Variants in ATXN7 observed in about 807,000 individuals in gnomAD.
ATXN7 encodes ataxin 7, also known as ataxin-7.
In ATXN7, 12 loss-of-function variants were observed where a neutral mutation model predicts 70.5. The observed-to-expected ratio is 0.17, with a 90% CI of 0.11 to 0.28. The LOEUF (loss-of-function observed/expected upper bound fraction) is 0.28, where lower values mean the gene tolerates loss of function less well. Among genes scored for constraint, ATXN7 ranks in the 10% least tolerant of loss-of-function variants. ATXN7 has a pLI of 1.00. For synonymous variants in ATXN7, 498 were observed against 448.7 expected (o/e 1.11, Z -1.39); for missense variants, 1,256 against 1,131.7 (o/e 1.11, Z -1.58).
intron 10 of ATXN7, 71 bp from the exon 11 acceptor site, chr3:63,990,667 A>G: frequency 6.2e-7 from 1 of 1,609,562 alleles, no homozygotes; most frequent in South Asian, 1.1e-5. Context: ...CCTTTCCTGA[A>G]GGATCTAGAA....
rs1346542426 is a variant in ATXN7, at chr3:63,982,382, A to C, written c.949A>C (p.Thr317Pro). Residue 317 changes from threonine (T) to proline (P), a missense_variant, in exon 7 of 13, where the codon ACT becomes CCT. Physicochemically the swap from Thr to Pro is conservative, Grantham distance 38 (BLOSUM62 -1). Transcript: ENST00000674280. ...TGGCAAAGGGCTTCCTGCACCGCCC[A>C]CTCTGGAAAAGAAACCTGAAGACAA... ...LNGKGLPAPP[T>P]LEKKPEDNSN... is the part of the protein sequence containing the mutation. 6.2e-7 allele frequency: 1 copy of C among 1,613,864 alleles called. No individual in the cohort carries two copies. The highest frequency in any genetic ancestry group is 8.5e-7 in the Non-Finnish European group (1 of 1,179,820).
intron 1 of ATXN7, among the ~76,000 whole-genome samples, chr3:63,874,712 A>T (rs1444889696): frequency 6.6e-6 from 1 of 152,118 alleles, no homozygotes; most frequent in Non-Finnish European, 1.5e-5. Context: ...CCTTTTCTGG[A>T]TTCTGAAGTT....
intron 5 of ATXN7, among the ~76,000 whole-genome samples, chr3:63,958,330 T>A (rs1575951027): frequency 6.6e-6 from 1 of 152,208 alleles, no homozygotes; most frequent in East Asian, 1.9e-4. Flanking sequence ...TATATTCATA[T>A]GAGAAATTAC....
intron 5 of ATXN7, among the ~76,000 whole-genome samples, chr3:63,976,794 A>G (rs1355610527): frequency 6.6e-6 from 1 of 152,210 alleles, no homozygotes; most frequent in Non-Finnish European, 1.5e-5. Context: ...GCTTATTGGG[A>G]AAACAGGGTT....
At chr3:63,993,959 A>G (rs996709587) in intron 11 of ATXN7, among the ~76,000 whole-genome samples, 9 of 152,014 alleles carry the variant, frequency 5.9e-5, no homozygotes, top group African/African-American at 2.2e-4. Flanking sequence ...TTCCTAACCA[A>G]CCTCTCAGGT....
At chr3:63,917,824 T>G (rs189847085) in intron 4 of ATXN7, among the ~76,000 whole-genome samples, 1 of 152,352 alleles carries the variant, frequency 6.6e-6, no homozygotes, top group East Asian at 1.9e-4. Flanking sequence ...CTCTAGTGTG[T>G]GATTCAAATG....
chr3:63,996,382 A>G lies in ATXN7; in HGVS notation c.2560A>G (p.Thr854Ala), dbSNP rs769753266. The change falls in exon 12 of 13, where the codon ACA (threonine) becomes GCA (alanine). Residue 854 changes from threonine to alanine, a missense_variant. Thr to Ala is a moderately conservative substitution (Grantham distance 58). Coordinates refer to ENST00000674280, the MANE Select transcript of ATXN7 (RefSeq NM_001377405.1). ...SSINNSSSKP[T>A]KVAKVPAVNN... The stretch of plus-strand genomic sequence containing the variant: ...CATCAACAACAGCAGCAGCAAACCC[A>G]CAAAGGTTGCCAAAGTGCCAGCCGT... 8.1e-6 allele frequency: 13 copies of G among 1,614,214 alleles called. No individual in the cohort carries two copies. Among genetic ancestry groups the G allele is most frequent in the Non-Finnish European group, 4.2e-6 (5 of 1,180,044 alleles).
At chr3:63,974,741 G>A (rs1317678162) in intron 5 of ATXN7, among the ~76,000 whole-genome samples, 1 of 152,204 alleles carries the variant, frequency 6.6e-6, no homozygotes, top group Admixed American at 6.5e-5. Flanking sequence ...TGATGTTGTT[G>A]TTCTTGAAGG....
intron 5 of ATXN7, among the ~76,000 whole-genome samples, chr3:63,964,787 A>G (rs376792592): frequency 1.3e-5 from 2 of 152,212 alleles, no homozygotes; most frequent in African/African-American, 4.8e-5. Flanking sequence ...TTCCAGGCCC[A>G]CAGCCGAATG....
At chr3:63,997,557 TTTC>T (rs1187981237) in intron 12 of ATXN7, 2 of 1,414,584 alleles carry the variant, frequency 1.4e-6, no homozygotes, top group Non-Finnish European at 2.0e-6. Context: ...CCTGTAGCTG[TTTC>T]TTCCAGCTTC....
upstream of ATXN7, chr3:63,863,611 G>A: frequency 8.4e-7 from 1 of 1,195,928 alleles, no homozygotes; most frequent in Non-Finnish European, 1.0e-6. Context: ...AGCAGCCGGG[G>A]AGGCCCGGGG....
At chr3:63,959,800 T>G (rs556412598) in intron 5 of ATXN7, among the ~76,000 whole-genome samples, 9 of 152,234 alleles carry the variant, frequency 5.9e-5, no homozygotes, top group African/African-American at 2.2e-4. Flanking sequence ...ATATCTGTGC[T>G]TTTATGAATG....
At chr3:63,867,149 C>A (rs1332280239) in intron 1 of ATXN7, 1 of 152,092 alleles carries the variant, frequency 6.6e-6, no homozygotes, top group Non-Finnish European at 1.5e-5. Context: ...GGGTCTGTGA[C>A]CCTCCAAGGG....
chr3:63,917,730 T>C (rs1162053329), intron 4 of ATXN7, among the ~76,000 whole-genome samples: 3 of 152,248 alleles, frequency 2.0e-5, no homozygotes, highest in Non-Finnish European at 4.4e-5. Context: ...GAAGGCATAT[T>C]CAGCTCCTGC....
intron 1 of ATXN7, among the ~76,000 whole-genome samples, chr3:63,881,484 A>ATTTT (rs909777356): frequency 5.0e-5 from 6 of 120,798 alleles, no homozygotes; most frequent in African/African-American, 6.2e-5. Flanking sequence ...TGGTTGGAGC[A>ATTTT]TTTTTTTTTT....
chr3:63,961,780 A>G (rs1458110962), intron 5 of ATXN7, among the ~76,000 whole-genome samples: 1 of 152,170 alleles, frequency 6.6e-6, no homozygotes, highest in Admixed American at 6.5e-5. Flanking sequence ...GATATTCACC[A>G]GTGTCACTCT....
At chr3:63,931,931 T>G (rs2074553078) in intron 4 of ATXN7, among the ~76,000 whole-genome samples, 1 of 152,186 alleles carries the variant, frequency 6.6e-6, no homozygotes, top group South Asian at 2.1e-4. Flanking sequence ...ATTCTCAAAC[T>G]GGGGTTATTT....
At chr3:63,933,756 C>G (rs971100223) in intron 4 of ATXN7, among the ~76,000 whole-genome samples, 1 of 152,190 alleles carries the variant, frequency 6.6e-6, no homozygotes, top group African/African-American at 2.4e-5. Flanking sequence ...GTATTCTCTA[C>G]TGGGTATTGA....
At chr3:63,954,357 C>T (rs1331231732) in intron 5 of ATXN7, among the ~76,000 whole-genome samples, 2 of 152,208 alleles carry the variant, frequency 1.3e-5, no homozygotes, top group Non-Finnish European at 2.9e-5. Flanking sequence ...GCAGGAAATT[C>T]CAGGCTCTCT....
Sources: allele counts gnomAD v4.1 joint callset (sites outside exome capture counted in the v4.1 genomes callset), GRCh38; gene constraint gnomAD v4.1.1; transcripts MANE v1.5; gene names NCBI Gene and HGNC (gene_info 2026-07-23, HGNC 2026-07-21).